Variants in CDC42BPA observed in about 807,000 individuals in gnomAD.
CDC42BPA encodes the protein serine/threonine-protein kinase MRCK alpha.
In CDC42BPA, 80 loss-of-function variants were observed where a neutral mutation model predicts 223.5. That is an observed-to-expected ratio of 0.36 (90% CI 0.30 to 0.43). The LOEUF is 0.43. CDC42BPA is among the 20% of genes least tolerant of loss of function. The probability of loss-of-function intolerance (pLI) is 1.00; values close to 1 mark genes in which losing one functional copy is unlikely to be tolerated. For synonymous variants in CDC42BPA, 694 were observed against 718.6 expected, an observed-to-expected ratio of 0.97 and a Z score of 0.55; for missense variants, 1,743 against 2,099.9, an observed-to-expected ratio of 0.83 and a Z score of 3.32.
At chr1:227,086,205 T>A (rs1043686095) in intron 16 of CDC42BPA, among the ~76,000 whole-genome samples, 1 of 152,234 alleles carries the variant, frequency 6.6e-6, no homozygotes, top group Non-Finnish European at 1.5e-5. Flanking sequence ...TATATGGGTA[T>A]GATATGCTTT....
Position 227,069,872 on chromosome 1 carries a change from T to A in CDC42BPA, c.2828-19A>T. 1 of 1,566,228 alleles carries A rather than the reference T, an allele frequency of 6.4e-7. No individual in the cohort carries two copies. The highest frequency in any genetic ancestry group is 1.4e-5 in the African/African-American group (1 of 73,842). On this transcript the variant is annotated intron_variant, in intron 20 of 36. Coordinates refer to ENST00000366766, the MANE Select transcript of CDC42BPA (RefSeq NM_001394014.1). ...TCTATACCTAGAAGACAGCAGCAAC[T>A]TTTTTTAAGGCTACAACAATTAAAA...
intron 14 of CDC42BPA, among the ~76,000 whole-genome samples, chr1:227,107,525 G>C (rs1043905831): frequency 6.6e-6 from 1 of 152,158 alleles, no homozygotes; most frequent in African/African-American, 2.4e-5. Context: ...AGTCTCAGGT[G>C]ATCCTCCTGC....
chr1:227,264,244 G>C (rs1443302871), intron 1 of CDC42BPA, among the ~76,000 whole-genome samples: 3 of 152,166 alleles, frequency 2.0e-5, no homozygotes, highest in East Asian at 1.9e-4. Flanking sequence ...GTTAGTAGTA[G>C]AGGGCAAAAT....
At chr1:227,235,670 G>T (rs753709760) in intron 2 of CDC42BPA, among the ~76,000 whole-genome samples, 1 of 152,056 alleles carries the variant, frequency 6.6e-6, no homozygotes, top group Non-Finnish European at 1.5e-5. Flanking sequence ...GATTTTCACC[G>T]CTGACAAGGC....
At chr1:227,125,935 T>C (rs906027319) in intron 11 of CDC42BPA, among the ~76,000 whole-genome samples, 2 of 152,150 alleles carry the variant, frequency 1.3e-5, no homozygotes, top group African/African-American at 4.8e-5. Context: ...AATAATTTTA[T>C]GTTGCCTCAG....
In CDC42BPA at chr1:227,003,866, A is replaced by G. The variant is rs1016300935; in HGVS notation, c.4975+1128T>C. Among the ~76,000 whole-genome samples, 6 of 152,282 alleles carry G rather than the reference A, an allele frequency of 3.9e-5. No individual in the cohort carries two copies. The East Asian group carries it at 9.6e-4, about 24-fold the overall frequency. On this transcript the variant is annotated intron_variant, in intron 35 of 36. Transcript: ENST00000366766. The stretch of plus-strand genomic sequence containing the variant: ...AAAAAAAACGGAGAGAGAGACTAAT[A>G]AAGACTGTGAGACACCTGAAAGCAG...
intron 2 of CDC42BPA, among the ~76,000 whole-genome samples, chr1:227,228,926 C>G (rs541132534): frequency 6.6e-6 from 1 of 152,284 alleles, no homozygotes; most frequent in East Asian, 1.9e-4. Context: ...ACTGGGCCCT[C>G]ATCAGATACA....
At chr1:227,205,305 TAC>T (rs1338918448) in intron 3 of CDC42BPA, among the ~76,000 whole-genome samples, 1 of 128,096 alleles carries the variant, frequency 7.8e-6, no homozygotes, top group East Asian at 2.1e-4. Flanking sequence ...TATATATATA[TAC>T]ACACACACAC....
At chr1:226,996,223 T>C (rs909246207) in intron 35 of CDC42BPA, among the ~76,000 whole-genome samples, 1 of 152,230 alleles carries the variant, frequency 6.6e-6, no homozygotes, top group Non-Finnish European at 1.5e-5. Context: ...ATGATGGAGC[T>C]TGACAAACAC....
rs572348859 is a variant in CDC42BPA, at chr1:227,273,340, C to A, written c.179-19185G>T. The stretch of plus-strand genomic sequence containing the variant: ...TGGTGGCTCACGCCTCCAAGGCGGG[C>A]AGATCACCTGAGGATTGGGAATTCG... On this transcript the variant is annotated intron_variant, in intron 1 of 36. Transcript: ENST00000366766. Among the ~76,000 whole-genome samples the A allele has an allele frequency of 7.9e-5, 12 of 151,454 alleles. No individual in the cohort carries two copies. In the South Asian group the frequency reaches 2.5e-3, roughly 32 times the overall value.
intron 29 of CDC42BPA, 35 bp downstream of exon 29, chr1:227,030,373 T>G: frequency 7.3e-7 from 1 of 1,366,904 alleles, no homozygotes; most frequent in Non-Finnish European, 1.0e-6. Context: ...TAACACGATT[T>G]AAAATTACTC....
intron 10 of CDC42BPA, among the ~76,000 whole-genome samples, chr1:227,137,086 CTA>C (rs1658717001): frequency 6.6e-6 from 1 of 152,034 alleles, no homozygotes; most frequent in South Asian, 2.1e-4. Flanking sequence ...TTAAAGTAAA[CTA>C]TGTAACAACA....
chr1:227,272,263 T>C (rs938105416), intron 1 of CDC42BPA, among the ~76,000 whole-genome samples: 2 of 152,160 alleles, frequency 1.3e-5, no homozygotes, highest in Admixed American at 6.5e-5. Context: ...TCAGTTCCAA[T>C]ATAGACAATC....
intron 2 of CDC42BPA, among the ~76,000 whole-genome samples, chr1:227,239,882 T>C (rs1336985780): frequency 6.6e-6 from 1 of 152,112 alleles, no homozygotes; most frequent in Non-Finnish European, 1.5e-5. Context: ...TCCACCCTTG[T>C]GACACCATTT....
At position 227,270,138 on chromosome 1, in the gene CDC42BPA, A is replaced by G. The variant is rs185195939; in HGVS notation, c.179-15983T>C. Among the ~76,000 whole-genome samples the G allele has an allele frequency of 1.4e-3, 216 of 152,340 alleles. 1 individual carries two copies. Among genetic ancestry groups the G allele is most frequent in the Non-Finnish European group, 9.7e-4 (66 of 68,020 alleles). On this transcript the variant is annotated intron_variant, in intron 1 of 36. Coordinates refer to ENST00000366766, the MANE Select transcript of CDC42BPA (RefSeq NM_001394014.1). ...AGCAAATAAAATGAAGTAGACCCAC[A>G]TGAATTAATAGAAACATCTCTAATG...
At chr1:227,184,813 A>C (rs776652327) in intron 5 of CDC42BPA, among the ~76,000 whole-genome samples, 14 of 152,224 alleles carry the variant, frequency 9.2e-5, no homozygotes, top group Non-Finnish European at 2.1e-4. Flanking sequence ...ATTTGGGAAG[A>C]ACTGACATCT....
intron 4 of CDC42BPA, among the ~76,000 whole-genome samples, chr1:227,199,311 C>A (rs1473279445): frequency 4.0e-5 from 6 of 151,864 alleles, no homozygotes. Flanking sequence ...TAGAACTTAA[C>A]CAATGGAAAT....
chr1:227,230,313 G>A (rs1057002564), intron 2 of CDC42BPA, among the ~76,000 whole-genome samples: 1 of 152,194 alleles, frequency 6.6e-6, no homozygotes, highest in Non-Finnish European at 1.5e-5. Context: ...ATAAGCAAAA[G>A]TGTCATAATC....
chr1:227,254,336 TTTTC>T (rs904635468), intron 1 of CDC42BPA, among the ~76,000 whole-genome samples, 181 bp from the exon 2 acceptor site: 1 of 152,198 alleles, frequency 6.6e-6, no homozygotes, highest in African/African-American at 2.4e-5. Context: ...AAACAATATA[TTTTC>T]TTTTATTTCT....
Sources: allele counts gnomAD v4.1 joint callset (sites outside exome capture counted in the v4.1 genomes callset), GRCh38; gene constraint gnomAD v4.1.1; transcripts MANE v1.5; gene names NCBI Gene and HGNC (gene_info 2026-07-23, HGNC 2026-07-21).